Variants in NEGR1 observed in about 807,000 individuals in gnomAD.
The protein encoded by NEGR1 is neuronal growth regulator 1.
Under a neutral mutation model 40.9 loss-of-function variants are expected in NEGR1, and 10 were observed. The ratio of observed to expected loss-of-function variants is 0.24; its 90% CI spans 0.15 to 0.42. The LOEUF is 0.42. Among genes scored for constraint, NEGR1 ranks in the 10% least tolerant of loss-of-function variants. The probability of loss-of-function intolerance (pLI) is 1.00; values close to 1 mark genes in which losing one functional copy is unlikely to be tolerated. For synonymous variants in NEGR1, 185 were observed against 166.8 expected (o/e 1.11, Z -0.84); for missense variants, 352 against 438.9 (o/e 0.80, Z 1.77).
At chr1:71,500,412 T>C (rs1239289438) in intron 6 of NEGR1, among the ~76,000 whole-genome samples, 1 of 152,070 alleles carries the variant, frequency 6.6e-6, no homozygotes, top group Non-Finnish European at 1.5e-5. Context: ...TAATAAGATT[T>C]AAAAAGTGAA....
intron 6 of NEGR1, among the ~76,000 whole-genome samples, chr1:71,464,285 A>C (rs6703162): frequency 0.73 from 110,839 of 151,926 alleles, 40,983 homozygotes; most frequent in Non-Finnish European, 0.77. Context: ...ACAATGAATA[A>C]GAGAATACGG....
rs192253299 is a variant in NEGR1, at chr1:71,949,085, A to G, written c.177-13774T>C. Among the ~76,000 whole-genome samples, 294 of 152,294 alleles carry G rather than the reference A, an allele frequency of 1.9e-3. 1 individual carries two copies. The highest frequency in any genetic ancestry group is 2.8e-3 in the Non-Finnish European group (191 of 68,026). ...GTTCAGACTAACACAGGATTGAATCATAACTCTTCCTGTGACTTCTAGCCT... is the reference window on the plus strand; with the variant it reads ...GTTCAGACTAACACAGGATTGAATCGTAACTCTTCCTGTGACTTCTAGCCT... On this transcript the variant is annotated intron_variant, in intron 1 of 6. Transcript: ENST00000357731.
At chr1:71,932,717 C>T (rs1322913079) in intron 2 of NEGR1, among the ~76,000 whole-genome samples, 2 of 152,036 alleles carry the variant, frequency 1.3e-5, no homozygotes, top group Non-Finnish European at 2.9e-5. Flanking sequence ...TGCTAAGCTT[C>T]TTTATCTTGG....
intron 3 of NEGR1, among the ~76,000 whole-genome samples, chr1:71,713,993 C>T (rs1238792795): frequency 2.0e-5 from 3 of 152,016 alleles, no homozygotes; most frequent in Non-Finnish European, 2.9e-5. Flanking sequence ...GGAAACAGTA[C>T]CTATTGTATT....
chr1:72,066,308 T>C (rs997743681), intron 1 of NEGR1, among the ~76,000 whole-genome samples: 5 of 152,140 alleles, frequency 3.3e-5, no homozygotes, highest in Non-Finnish European at 2.9e-5. Flanking sequence ...ACACTACTCA[T>C]TAACATTCAC....
At chr1:72,051,442 T>C (rs1354986664) in intron 1 of NEGR1, among the ~76,000 whole-genome samples, 1 of 151,476 alleles carries the variant, frequency 6.6e-6, no homozygotes, top group Non-Finnish European at 1.5e-5. Context: ...TCCAGCTCAC[T>C]TATGGTTTGG....
chr1:71,769,458 T>A (rs1351599503), intron 3 of NEGR1, among the ~76,000 whole-genome samples: 2 of 152,188 alleles, frequency 1.3e-5, no homozygotes, highest in African/African-American at 4.8e-5. Flanking sequence ...AAACTATAGT[T>A]CCCATAATCC....
chr1:71,914,951 G>T (rs1459788248), intron 2 of NEGR1, among the ~76,000 whole-genome samples: 1 of 151,822 alleles, frequency 6.6e-6, no homozygotes, highest in Non-Finnish European at 1.5e-5. Flanking sequence ...TCTTATTTTT[G>T]CTATTGCTAA....
intron 1 of NEGR1, among the ~76,000 whole-genome samples, chr1:72,213,191 G>A (rs1188918138): frequency 6.6e-6 from 1 of 151,874 alleles, no homozygotes; most frequent in Non-Finnish European, 1.5e-5. Context: ...ATTGATATAG[G>A]AGCAGAAGAC....
intron 1 of NEGR1, among the ~76,000 whole-genome samples, chr1:72,090,365 T>TAAA (rs59316206): frequency 7.6e-6 from 1 of 131,174 alleles, no homozygotes; most frequent in African/African-American, 2.7e-5. Context: ...CTTTTTTTCT[T>TAAA]AAAAAAAAAA....
In NEGR1 at chr1:71,396,129, T is replaced by G. The variant is rs1569821633; in HGVS notation, c.*11317A>C. The G allele has an allele frequency of 6.6e-6, 1 of 152,150 alleles. No individual in the cohort carries two copies. Among genetic ancestry groups the G allele is most frequent in the African/African-American group, 2.4e-5 (1 of 41,434 alleles). The allele number at this position is 152,150 out of a possible 1,614,324, so 9.4% of individuals were successfully genotyped here. A position where few individuals can be genotyped will look rare whatever the true frequency, so the allele number is the denominator to read the frequency against. On this transcript the variant is annotated 3_prime_UTR_variant, in exon 7 of 7. Transcript: ENST00000357731. The stretch of plus-strand genomic sequence containing the variant: ...TCTTAGGAGAAAATATACATTAATC[T>G]CTTTCTTTCCCTTCCTCTTTCTCTT...
chr1:71,607,470 A>T (rs1650106790), intron 5 of NEGR1, among the ~76,000 whole-genome samples: 1 of 152,132 alleles, frequency 6.6e-6, no homozygotes, highest in Admixed American at 6.5e-5. Context: ...GATTTATAAG[A>T]CTTCCTGGGT....
intron 2 of NEGR1, among the ~76,000 whole-genome samples, chr1:71,806,088 T>C (rs898523005): frequency 6.6e-6 from 1 of 152,064 alleles, no homozygotes; most frequent in Non-Finnish European, 1.5e-5. Context: ...AATACAAAAA[T>C]ACAAAATATT....
At chr1:71,434,389 T>C (rs1035166365) in intron 6 of NEGR1, among the ~76,000 whole-genome samples, 11 of 152,200 alleles carry the variant, frequency 7.2e-5, no homozygotes, top group African/African-American at 2.7e-4. Context: ...TTAACAGTGG[T>C]ACATATTGTA....
chr1:71,730,790 A>C (rs1654834881), intron 3 of NEGR1, among the ~76,000 whole-genome samples: 1 of 151,598 alleles, frequency 6.6e-6, no homozygotes, highest in African/African-American at 2.4e-5. Context: ...TTAGTATCAA[A>C]ATTGTTTGGC....
At chr1:72,099,739 T>C (rs1050917687) in intron 1 of NEGR1, among the ~76,000 whole-genome samples, 3 of 151,956 alleles carry the variant, frequency 2.0e-5, no homozygotes, top group Non-Finnish European at 4.4e-5. Context: ...AAATTGTTTT[T>C]TAAATAATAA....
chr1:72,168,670 G>A (rs964225699), intron 1 of NEGR1, among the ~76,000 whole-genome samples: 2 of 152,074 alleles, frequency 1.3e-5, no homozygotes, highest in Non-Finnish European at 2.9e-5. Context: ...CAGGCAGATC[G>A]CTTGAGCCCA....
chr1:71,570,253 GC>G (rs1648767368), intron 6 of NEGR1, among the ~76,000 whole-genome samples: 1 of 151,962 alleles, frequency 6.6e-6, no homozygotes, highest in Admixed American at 6.6e-5. Flanking sequence ...TTTGTACATG[GC>G]ATTTTCTTTG....
chr1:71,974,282 A>T (rs141142877), intron 1 of NEGR1, among the ~76,000 whole-genome samples: 3 of 152,312 alleles, frequency 2.0e-5, no homozygotes, highest in Non-Finnish European at 4.4e-5. Context: ...CTATCTTGGT[A>T]ATATTTCAGC....
Sources: allele counts gnomAD v4.1 joint callset (sites outside exome capture counted in the v4.1 genomes callset), GRCh38; gene constraint gnomAD v4.1.1; transcripts MANE v1.5; gene names NCBI Gene and HGNC (gene_info 2026-07-23, HGNC 2026-07-21).